The following KIAA1328 variants were observed in gnomAD, a reference collection of about 807,000 sequenced individuals.
KIAA1328 encodes KIAA1328, also known as protein hinderin.
KIAA1328 carries 52 observed loss-of-function variants against 68.1 expected under a neutral mutation model. That is an observed-to-expected ratio of 0.76 (90% confidence interval 0.61 to 0.96). The LOEUF is 0.96. Ranked by LOEUF, KIAA1328 falls within the 40% of genes least tolerant of loss-of-function variation. KIAA1328 has a pLI of 0.00. For synonymous variants in KIAA1328, 232 were observed against 239.4 expected, an observed-to-expected ratio of 0.97 and a Z score of 0.28; for missense variants, 641 against 677.6, an observed-to-expected ratio of 0.95 and a Z score of 0.60.
intron 7 of KIAA1328, among the ~76,000 whole-genome samples, chr18:37,079,685 T>G (rs1438375674): frequency 1.3e-5 from 2 of 151,800 alleles, no homozygotes; most frequent in Non-Finnish European, 2.9e-5. Flanking sequence ...ATCAGGAGTT[T>G]GAGACCAGCC....
intron 9 of KIAA1328, among the ~76,000 whole-genome samples, chr18:37,193,103 G>T (rs562125696): frequency 6.6e-6 from 1 of 152,138 alleles, no homozygotes; most frequent in African/African-American, 2.4e-5. Context: ...GAGCAAGCAT[G>T]CCATGAACCT....
chr18:36,991,672 T>C (rs2053182504), intron 6 of KIAA1328, among the ~76,000 whole-genome samples: 1 of 152,226 alleles, frequency 6.6e-6, no homozygotes, highest in Admixed American at 6.5e-5. Flanking sequence ...GTTCTTCTGC[T>C]GATTGTGCCT....
At chr18:37,112,289 A>G (rs1199746415) in intron 7 of KIAA1328, among the ~76,000 whole-genome samples, 1 of 152,182 alleles carries the variant, frequency 6.6e-6, no homozygotes, top group Non-Finnish European at 1.5e-5. Flanking sequence ...GCCGACTGAT[A>G]CTTCATACAG....
intron 3 of KIAA1328, among the ~76,000 whole-genome samples, chr18:36,840,575 C>A (rs984268335): frequency 1.3e-5 from 2 of 151,806 alleles, no homozygotes; most frequent in Non-Finnish European, 2.9e-5. Flanking sequence ...CATGCCTCAG[C>A]CTCTCAACTA....
intron 7 of KIAA1328, among the ~76,000 whole-genome samples, chr18:37,117,672 C>T (rs1431678514): frequency 6.6e-6 from 1 of 151,972 alleles, no homozygotes; most frequent in Non-Finnish European, 1.5e-5. Context: ...ATCATACTTC[C>T]ACCTAAGATG....
At chr18:37,134,285 A>G (rs2058592728) in intron 7 of KIAA1328, among the ~76,000 whole-genome samples, 1 of 152,212 alleles carries the variant, frequency 6.6e-6, no homozygotes, top group South Asian at 2.1e-4. Context: ...TGCTGGGATT[A>G]CAGGCGTGAG....
chr18:37,166,704 G>A (rs1463783985), intron 8 of KIAA1328, among the ~76,000 whole-genome samples: 1 of 152,146 alleles, frequency 6.6e-6, no homozygotes, highest in African/African-American at 2.4e-5. Flanking sequence ...CATGGAGCCT[G>A]CCTTTGTTTT....
chr18:36,905,433 G>C (rs542562092), intron 5 of KIAA1328, among the ~76,000 whole-genome samples: 6 of 152,078 alleles, frequency 3.9e-5, no homozygotes, highest in African/African-American at 1.4e-4. Context: ...TTTAAATAAG[G>C]AAAATAAATT....
intron 9 of KIAA1328, among the ~76,000 whole-genome samples, chr18:37,213,096 A>G (rs772889073): frequency 6.6e-6 from 1 of 152,226 alleles, no homozygotes; most frequent in Non-Finnish European, 1.5e-5. Context: ...AGGTGATATA[A>G]TTAAAAGCAA....
At chr18:37,192,104 G>A (rs567215686) in intron 9 of KIAA1328, among the ~76,000 whole-genome samples, 5 of 151,536 alleles carry the variant, frequency 3.3e-5, no homozygotes, top group Non-Finnish European at 7.4e-5. Context: ...AAACAGCCCT[G>A]AACATCTAGT....
chr18:36,855,636 C>T lies in KIAA1328; in HGVS notation c.332+11334C>T, dbSNP rs536200584. On this transcript the variant is annotated intron_variant, in intron 4 of 9. Transcript: ENST00000280020. ...TTTCTTGGTGGTGTCCTTTGAAATACAAAAGTTTTGAATTTTGATTAAGTC... is the reference window on the plus strand; with the variant it reads ...TTTCTTGGTGGTGTCCTTTGAAATATAAAAGTTTTGAATTTTGATTAAGTC... 2.3e-3 allele frequency among the ~76,000 whole-genome samples: 355 copies of T among 151,326 alleles called. 1 individual carries two copies. The highest frequency in any genetic ancestry group is 3.5e-3 in the Non-Finnish European group (235 of 67,692).
chr18:36,887,293 C>G (rs2048533765), intron 5 of KIAA1328, among the ~76,000 whole-genome samples: 1 of 152,086 alleles, frequency 6.6e-6, no homozygotes, highest in Non-Finnish European at 1.5e-5. Context: ...AGGAGTAGTA[C>G]TCCAGGTCCT....
At chr18:36,932,134 T>C (rs925512012) in intron 5 of KIAA1328, among the ~76,000 whole-genome samples, 2 of 152,248 alleles carry the variant, frequency 1.3e-5, no homozygotes, top group Non-Finnish European at 2.9e-5. Context: ...ATAATGCTCC[T>C]GTCTTTATGA....
intron 5 of KIAA1328, among the ~76,000 whole-genome samples, chr18:36,936,816 A>G (rs780284139): frequency 9.9e-5 from 15 of 152,166 alleles, no homozygotes; most frequent in Non-Finnish European, 1.8e-4. Context: ...TCTGACTGGC[A>G]TGAGATGGTG....
intron 6 of KIAA1328, among the ~76,000 whole-genome samples, chr18:37,063,333 G>T (rs2056225495): frequency 6.6e-6 from 1 of 152,270 alleles, no homozygotes; most frequent in African/African-American, 2.4e-5. Context: ...CTTATGTGGG[G>T]TGGGGGATGA....
At chr18:37,098,050 T>A (rs567442337) in intron 7 of KIAA1328, among the ~76,000 whole-genome samples, 131 of 152,296 alleles carry the variant, frequency 8.6e-4, no homozygotes, top group Non-Finnish European at 1.6e-3. Context: ...CTTTTCCTAA[T>A]TGAATACCCT....
intron 4 of KIAA1328, among the ~76,000 whole-genome samples, chr18:36,881,968 G>T (rs2048342243): frequency 3.3e-5 from 5 of 152,182 alleles, no homozygotes; most frequent in Admixed American, 3.3e-4. Context: ...TCTATGAGTA[G>T]AATTGCTGGG....
chr18:36,961,824 A>C (rs2051688336), intron 6 of KIAA1328, among the ~76,000 whole-genome samples: 3 of 152,180 alleles, frequency 2.0e-5, no homozygotes. Flanking sequence ...AGCACTAAAC[A>C]TGGAAGGGAA....
chr18:37,116,482 C>T (rs2058111292), intron 7 of KIAA1328, among the ~76,000 whole-genome samples: 2 of 152,154 alleles, frequency 1.3e-5, no homozygotes, highest in Admixed American at 1.3e-4. Context: ...AACTGGATCC[C>T]TTCCTTACAC....
Sources: gnomAD v4.1 joint callset for allele counts (sites outside exome capture counted in the v4.1 genomes callset) on GRCh38, gnomAD v4.1.1 for gene constraint, MANE v1.5 for transcripts, NCBI Gene and HGNC (gene_info 2026-07-23, HGNC 2026-07-21) for gene names.